Variants in SCAMP1 observed in about 807,000 individuals in gnomAD.
SCAMP1 encodes the protein secretory carrier-associated membrane protein 1.
SCAMP1 carries 15 observed loss-of-function variants against 41.8 expected under a neutral mutation model. That is an observed-to-expected ratio of 0.36 (90% confidence interval 0.24 to 0.55). The LOEUF is 0.55. SCAMP1 is among the 20% of genes least tolerant of loss of function. SCAMP1 has a pLI of 0.86. For missense variants in SCAMP1, 341 were observed against 412.6 expected (o/e 0.83, Z 1.50); for synonymous variants, 135 against 136.8 (o/e 0.99, Z 0.09).
intron 6 of SCAMP1, among the ~76,000 whole-genome samples, chr5:78,423,923 C>T (rs552386170): frequency 6.6e-6 from 1 of 151,448 alleles, no homozygotes; most frequent in South Asian, 2.1e-4. Context: ...CGGTTCACTG[C>T]AACCTCTGCC....
At position 78,475,748 on chromosome 5, in the gene SCAMP1, C is replaced by A; in HGVS notation, c.*80C>A. ...TGTATTCTACAAATATTTTTATGTT[C>A]AAAACACACAGTACAGACAGCATGG... On this transcript the variant is annotated 3_prime_UTR_variant, in exon 9 of 9. Transcript: ENST00000621999. The A allele has an allele frequency of 1.7e-6, 2 of 1,153,854 alleles. No individual in the cohort carries two copies. The highest frequency in any genetic ancestry group is 1.8e-5 in the South Asian group (1 of 54,890). 71.5% of individuals were successfully genotyped at this position (1,153,854 alleles called of 1,614,324 possible). A position where few individuals can be genotyped will look rare whatever the true frequency, so the allele number is the denominator to read the frequency against.
At chr5:78,436,659 T>A (rs1752764822) in intron 6 of SCAMP1, among the ~76,000 whole-genome samples, 1 of 152,240 alleles carries the variant, frequency 6.6e-6, no homozygotes, top group Non-Finnish European at 1.5e-5. Flanking sequence ...GGTAGTGTGA[T>A]GCCTCCAGCT....
At position 78,365,472 on chromosome 5, in the gene SCAMP1, C is replaced by CAA. The variant is rs35765310; in HGVS notation, c.57+4769_57+4770dup. Among the ~76,000 whole-genome samples, 45 of 55,534 alleles carry CAA rather than the reference C, an allele frequency of 8.1e-4. 3 individuals carry two copies. The highest frequency in any genetic ancestry group is 2.0e-3 in the African/African-American group (26 of 13,210). 36.4% of individuals were successfully genotyped at this position (55,534 alleles called of 152,430 possible). On this transcript the variant is annotated intron_variant, in intron 1 of 8. Coordinates refer to ENST00000621999, the MANE Select transcript of SCAMP1 (RefSeq NM_004866.6). ...CTGGGCGACAGTGCGAGACTCATCT[C>CAA]AAAAAAAAAAAAAAAAAAAAAAAAA...
At chr5:78,382,110 C>T (rs1751218177) in intron 1 of SCAMP1, among the ~76,000 whole-genome samples, 1 of 152,138 alleles carries the variant, frequency 6.6e-6, no homozygotes, top group Non-Finnish European at 1.5e-5. Flanking sequence ...TTTAGAAATA[C>T]AGGTTTTCAG....
At chr5:78,382,282 T>C (rs1273083504) in intron 1 of SCAMP1, among the ~76,000 whole-genome samples, 2 of 152,180 alleles carry the variant, frequency 1.3e-5, no homozygotes, top group East Asian at 3.8e-4. Flanking sequence ...GTAGTTGACT[T>C]TTGTTGATGT....
chr5:78,377,398 C>T (rs1472585280), intron 1 of SCAMP1, among the ~76,000 whole-genome samples: 1 of 152,058 alleles, frequency 6.6e-6, no homozygotes, highest in Non-Finnish European at 1.5e-5. Context: ...AATTTTATGT[C>T]TCATATTCAG....
rs1752013504 is a variant in SCAMP1 at position 78,409,411 on chromosome 5, A to G, written c.136-6109A>G. 2.9e-5 allele frequency among the ~76,000 whole-genome samples: 3 copies of G among 102,442 alleles called. No homozygotes were observed. In the South Asian group the frequency reaches 1.1e-3, roughly 37 times the overall value. 67.2% of individuals were successfully genotyped at this position (102,442 alleles called of 152,430 possible). A position where few individuals can be genotyped will look rare whatever the true frequency, so the allele number is the denominator to read the frequency against. On this transcript the variant is annotated intron_variant, in intron 2 of 8. Coordinates refer to ENST00000621999, the MANE Select transcript of SCAMP1 (RefSeq NM_004866.6). ...TATATATATATAGATAGAGACAGAG[A>G]CACATATAGATACACACACACACAC...
At chr5:78,368,682 C>T (rs1265069346) in intron 1 of SCAMP1, among the ~76,000 whole-genome samples, 2 of 152,100 alleles carry the variant, frequency 1.3e-5, no homozygotes, top group Non-Finnish European at 2.9e-5. Context: ...AGAGGACAGT[C>T]AGAATGGTCA....
chr5:78,435,550 T>A (rs1244347624), intron 6 of SCAMP1, among the ~76,000 whole-genome samples: 1 of 152,246 alleles, frequency 6.6e-6, no homozygotes, highest in Non-Finnish European at 1.5e-5. Context: ...GCAAAGGACA[T>A]GAACTCATCC....
intron 6 of SCAMP1, among the ~76,000 whole-genome samples, chr5:78,426,896 T>A (rs1752483614): frequency 6.6e-6 from 1 of 152,240 alleles, no homozygotes; most frequent in African/African-American, 2.4e-5. Context: ...TGTTAGTAAT[T>A]CATTTCTCTT....
chr5:78,464,038 C>T (rs10056277), intron 8 of SCAMP1, among the ~76,000 whole-genome samples: 68,876 of 152,042 alleles, frequency 0.45, 16,395 homozygotes, highest in Non-Finnish European at 0.51. Flanking sequence ...AGTGCAGTGG[C>T]GCGATCTTGG....
At chr5:78,467,424 T>A (rs1280030308) in intron 8 of SCAMP1, among the ~76,000 whole-genome samples, 1 of 152,194 alleles carries the variant, frequency 6.6e-6, no homozygotes, top group Non-Finnish European at 1.5e-5. Context: ...ACCAGCAGTT[T>A]TTTTCCTTTC....
chr5:78,475,405 CTAG>C (rs1753980758), intron 8 of SCAMP1, 96 bp from the exon 9 acceptor site: 1 of 784,412 alleles, frequency 1.3e-6, no homozygotes, highest in Non-Finnish European at 1.9e-6. Flanking sequence ...TGACTACAAT[CTAG>C]TATTTTTATG....
At chr5:78,439,028 G>T (rs1397096387) in intron 6 of SCAMP1, among the ~76,000 whole-genome samples, 2 of 152,066 alleles carry the variant, frequency 1.3e-5, no homozygotes, top group South Asian at 2.1e-4. Flanking sequence ...CAGAGACTAG[G>T]ATTGCAACCC....
At chr5:78,390,625 T>C (rs192413213) in intron 2 of SCAMP1, among the ~76,000 whole-genome samples, 28 of 152,236 alleles carry the variant, frequency 1.8e-4, no homozygotes, top group Non-Finnish European at 3.4e-4. Flanking sequence ...TTTTAAACTT[T>C]GTCGATAAAG....
At chr5:78,424,097 G>A (rs1488378710) in intron 6 of SCAMP1, among the ~76,000 whole-genome samples, 1 of 151,822 alleles carries the variant, frequency 6.6e-6, no homozygotes, top group Non-Finnish European at 1.5e-5. Flanking sequence ...GCCCACCTTG[G>A]CCTCTGCCCA....
At chr5:78,459,464 T>C in intron 8 of SCAMP1, 102 bp downstream of exon 8, 1 of 639,002 alleles carries the variant, frequency 1.6e-6, no homozygotes. Context: ...CATTTTATCG[T>C]TATTGTATGA....
intron 6 of SCAMP1, among the ~76,000 whole-genome samples, chr5:78,436,821 G>T (rs1752769243): frequency 6.6e-6 from 1 of 152,146 alleles, no homozygotes; most frequent in Non-Finnish European, 1.5e-5. Context: ...GGGCAGTATG[G>T]CCATTTTCAC....
At chr5:78,391,408 GC>G (rs1156463592) in intron 2 of SCAMP1, among the ~76,000 whole-genome samples, 3 of 151,774 alleles carry the variant, frequency 2.0e-5, no homozygotes, top group Admixed American at 6.5e-5. Context: ...CTGGCGGGGG[GC>G]TGACCCCCCC....
Sources: allele counts gnomAD v4.1 joint callset (sites outside exome capture counted in the v4.1 genomes callset), GRCh38; gene constraint gnomAD v4.1.1; transcripts MANE v1.5; gene names NCBI Gene and HGNC (gene_info 2026-07-23, HGNC 2026-07-21).